APPL2: variants seen among roughly 807,000 people sequenced by gnomAD.
The protein encoded by APPL2 is DCC-interacting protein 13-beta.
APPL2 carries 84 observed loss-of-function variants against 92.7 expected under a neutral mutation model. That is an observed-to-expected ratio of 0.91 (90% CI 0.76 to 1.09). The LOEUF (loss-of-function observed/expected upper bound fraction) is 1.09. Ranked by LOEUF, APPL2 falls within the 50% of genes least tolerant of loss-of-function variation. The pLI, the probability that APPL2 is intolerant of heterozygous loss-of-function variation, is 0.00. For missense variants in APPL2, 736 were observed against 824.5 expected, an observed-to-expected ratio of 0.89 and a Z score of 1.31; for synonymous variants, 291 against 291.0, an observed-to-expected ratio of 1.00 and a Z score of 0.00.
chr12:105,174,180 G>T lies in APPL2; in HGVS notation c.*134C>A. On this transcript the variant is annotated 3_prime_UTR_variant, in exon 21 of 21. Transcript: ENST00000258530. Reference sequence around the variant, plus strand: ...TTCCCTCCCAAGTCTCAGTATCAAGGCATCAAGATTACATTCCACAAACGA... The same window carrying T: ...TTCCCTCCCAAGTCTCAGTATCAAGTCATCAAGATTACATTCCACAAACGA... The T allele has an allele frequency of 9.4e-7, 1 of 1,069,160 alleles. No individual in the cohort carries two copies. Among genetic ancestry groups the T allele is most frequent in the African/African-American group, 1.6e-5 (1 of 61,998 alleles). 66.2% of individuals were successfully genotyped at this position (1,069,160 alleles called of 1,614,324 possible).
At chr12:105,186,681 C>T (rs1405091319) in intron 17 of APPL2, among the ~76,000 whole-genome samples, 63 of 45,460 alleles carry the variant, frequency 1.4e-3, no homozygotes, top group East Asian at 5.4e-3. Flanking sequence ...TATGATATAT[C>T]ATATATATAT....
intron 19 of APPL2, 153 bp from the exon 20 acceptor site, chr12:105,176,235 C>G: frequency 1.6e-6 from 1 of 638,666 alleles, no homozygotes; most frequent in Non-Finnish European, 2.7e-6. Flanking sequence ...ACATAGGGCC[C>G]GGGGCATTTG....
At position 105,208,210 on chromosome 12, in the gene APPL2, G is replaced by C; in HGVS notation, c.374-11C>G. 1 of 1,614,182 alleles carries C rather than the reference G, an allele frequency of 6.2e-7. No individual in the cohort carries two copies. The highest frequency in any genetic ancestry group is 8.5e-7 in the Non-Finnish European group (1 of 1,179,992). ...TTAAAGTGCTTACTTCTGAAAAGGA[G>C]AAAAGGGACCGTCTTAGAGCAATGA... On this transcript the variant is annotated splice_polypyrimidine_tract_variant and intron_variant, in intron 5 of 20. Coordinates refer to ENST00000258530, the MANE Select transcript of APPL2 (RefSeq NM_018171.5).
At chr12:105,205,458 G>C (rs576315068) in intron 8 of APPL2, among the ~76,000 whole-genome samples, 6 of 152,152 alleles carry the variant, frequency 3.9e-5, no homozygotes, top group Non-Finnish European at 8.8e-5. Context: ...TTCTCCCTCT[G>C]TGGCCAGAGC....
Position 105,213,692 on chromosome 12 carries a change from A to G in APPL2, c.286-2375T>C, listed in dbSNP as rs192584589. 9.2e-5 allele frequency among the ~76,000 whole-genome samples: 14 copies of G among 152,294 alleles called. No individual in the cohort carries two copies. In the East Asian group the frequency reaches 2.7e-3, roughly 29 times the overall value. ...CTACTTTTTGTTGAACTTTCCTGTA[A>G]TTTCTGAGTCAAATAACTTGCCTTA... On this transcript the variant is annotated intron_variant, in intron 4 of 20. Transcript: ENST00000258530.
At chr12:105,201,997 C>A (rs1036532122) in intron 9 of APPL2, among the ~76,000 whole-genome samples, 2 of 152,198 alleles carry the variant, frequency 1.3e-5, no homozygotes, top group Non-Finnish European at 2.9e-5. Flanking sequence ...GGTGGGCTGG[C>A]TGCTCATGCA....
chr12:105,206,741 AG>A, intron 8 of APPL2: 1 of 219,784 alleles, frequency 4.5e-6, no homozygotes, highest in Admixed American at 5.2e-5. Context: ...CCCCAGTGGT[AG>A]CTGCTTCTAG....
At chr12:105,212,068 G>A (rs756080284) in intron 4 of APPL2, among the ~76,000 whole-genome samples, 2 of 133,958 alleles carry the variant, frequency 1.5e-5, no homozygotes, top group Middle Eastern at 4.6e-3. Context: ...GCAGTGAGCC[G>A]AGATCGCACC....
chr12:105,212,767 C>G (rs1009080303), intron 4 of APPL2, among the ~76,000 whole-genome samples: 6 of 152,228 alleles, frequency 3.9e-5, no homozygotes, highest in Admixed American at 3.3e-4. Context: ...TATTCATCAA[C>G]CTTCTGCACA....
At chr12:105,208,305 G>GCC in intron 5 of APPL2, 106 bp from the exon 6 acceptor site, 1 of 1,339,364 alleles carries the variant, frequency 7.5e-7, no homozygotes, top group East Asian at 2.3e-5. Flanking sequence ...TGCAAGGGAA[G>GCC]CCCCTGCACC....
rs550646094 is a variant in APPL2 at position 105,230,863 on chromosome 12, G to A, written c.55-1640C>T. Among the ~76,000 whole-genome samples the A allele has an allele frequency of 3.9e-5, 6 of 152,230 alleles. No individual in the cohort carries two copies. The East Asian group carries it at 7.7e-4, about 20-fold the overall frequency. ...AGAGCCACTGTGCAATAATGAATAA[G>A]GAAATTGTAACATCATGTTTAAAAA... On this transcript the variant is annotated intron_variant, in intron 1 of 20. Transcript: ENST00000258530.
intron 8 of APPL2, among the ~76,000 whole-genome samples, chr12:105,204,037 C>T (rs962954019): frequency 2.6e-5 from 4 of 152,204 alleles, no homozygotes; most frequent in Non-Finnish European, 5.9e-5. Flanking sequence ...ATATTCACTT[C>T]CCAGAAAGTC....
At chr12:105,174,672 G>T (rs533419702) in intron 20 of APPL2, among the ~76,000 whole-genome samples, 1 of 152,096 alleles carries the variant, frequency 6.6e-6, no homozygotes, top group African/African-American at 2.4e-5. Flanking sequence ...TAGTCAATTC[G>T]TATCATCTTC....
At chr12:105,196,591 A>G (rs11112405) in intron 11 of APPL2, among the ~76,000 whole-genome samples, 236 of 151,874 alleles carry the variant, frequency 1.6e-3, no homozygotes, top group Non-Finnish European at 2.8e-3. Context: ...ATGCGCCACC[A>G]CTAACGTGCC....
At chr12:105,186,990 TTAGA>T (rs1029973614) in intron 17 of APPL2, among the ~76,000 whole-genome samples, 2 of 152,108 alleles carry the variant, frequency 1.3e-5, no homozygotes, top group African/African-American at 4.8e-5. Context: ...TACATCCATA[TTAGA>T]TAGAATTTGT....
At chr12:105,185,615 C>T (rs896925712) in intron 17 of APPL2, among the ~76,000 whole-genome samples, 8 of 152,008 alleles carry the variant, frequency 5.3e-5, no homozygotes, top group South Asian at 2.1e-4. Flanking sequence ...AGCTGGGTAC[C>T]GCAGTTGGAA....
At chr12:105,207,861 G>GT in intron 7 of APPL2, 110 bp downstream of exon 7, 2 of 957,908 alleles carry the variant, frequency 2.1e-6, no homozygotes, top group South Asian at 3.0e-5. Flanking sequence ...TCCATGTATA[G>GT]TTAAAAAAAA....
intron 2 of APPL2, among the ~76,000 whole-genome samples, chr12:105,225,156 A>G (rs1360862614): frequency 6.6e-6 from 1 of 151,702 alleles, no homozygotes; most frequent in Non-Finnish European, 1.5e-5. Flanking sequence ...ATTTACTTAA[A>G]AAAAAAAAAG....
intron 1 of APPL2, chr12:105,235,483 T>C (rs1891172776): frequency 6.6e-6 from 1 of 152,304 alleles, no homozygotes. Context: ...TCATTAGGAG[T>C]AGCAGTAATA....
Sources: gnomAD v4.1 joint callset for allele counts (sites outside exome capture counted in the v4.1 genomes callset) on GRCh38, gnomAD v4.1.1 for gene constraint, MANE v1.5 for transcripts, NCBI Gene and HGNC (gene_info 2026-07-23, HGNC 2026-07-21) for gene names.